The following DNAH5 variants were observed in gnomAD, a reference collection of about 807,000 sequenced individuals.
DNAH5 encodes the protein dynein axonemal heavy chain 5.
DNAH5 carries 372 observed loss-of-function variants against 518.2 expected under a neutral mutation model. That is an observed-to-expected ratio of 0.72 (90% confidence interval 0.66 to 0.78). The LOEUF (loss-of-function observed/expected upper bound fraction) is 0.78, where lower values mean the gene tolerates loss of function less well. DNAH5 is among the 30% of genes least tolerant of loss of function. The pLI is 0.00. For synonymous variants in DNAH5, 2,039 were observed against 2,025.9 expected, an observed-to-expected ratio of 1.01 and a Z score of -0.17; for missense variants, 5,523 against 5,687.0, an observed-to-expected ratio of 0.97 and a Z score of 0.93.
At chr5:13,989,744 A>G (rs959015662) in intron 1 of DNAH5, among the ~76,000 whole-genome samples, 4 of 152,090 alleles carry the variant, frequency 2.6e-5, no homozygotes, top group African/African-American at 9.7e-5. Context: ...CGGCCTCCCA[A>G]AGTGCTCGGA....
At position 13,923,440 on chromosome 5, in the gene DNAH5, C is replaced by G; in HGVS notation, c.278G>C (p.Gly93Ala). 6.2e-7 allele frequency: 1 copy of G among 1,613,974 alleles called. No homozygotes were observed. The highest frequency in any genetic ancestry group is 8.5e-7 in the Non-Finnish European group (1 of 1,179,952). Residue 93 changes from glycine (G) to alanine (A), a missense_variant and splice_region_variant, in exon 4 of 79, where the codon GGA (glycine) becomes GCA (alanine). Coordinates refer to ENST00000265104, the MANE Select transcript of DNAH5 (RefSeq NM_001369.3). ...TACCCCTCCTAGAGAGCCAAGTTGT[C>G]CTACAAAAGCAAAATAATTTTAGTT... is the stretch of plus-strand genomic sequence containing the variant. ...YYQDVEEAET[G>A]QLGSLGGVNL...
chr5:13,870,137 G>C (rs1322113386), intron 24 of DNAH5, among the ~76,000 whole-genome samples: 1 of 151,988 alleles, frequency 6.6e-6, no homozygotes, highest in East Asian at 1.9e-4. Flanking sequence ...TAATTTCTTC[G>C]ACCCTCAGTT....
intron 1 of DNAH5, among the ~76,000 whole-genome samples, chr5:13,999,644 A>C (rs1175032998): frequency 6.6e-6 from 1 of 152,230 alleles, no homozygotes; most frequent in Non-Finnish European, 1.5e-5. Flanking sequence ...TACTGCTGCA[A>C]TAAACACGAG....
intron 72 of DNAH5, 144 bp from the exon 73 acceptor site, chr5:13,717,664 A>G (rs1579888661): frequency 1.3e-6 from 1 of 792,300 alleles, no homozygotes; most frequent in East Asian, 2.7e-5. Flanking sequence ...TGTGACAATA[A>G]TAATTTAACT....
chr5:13,801,238 C>T (rs1368077321), intron 47 of DNAH5, among the ~76,000 whole-genome samples: 1 of 152,144 alleles, frequency 6.6e-6, no homozygotes, highest in Non-Finnish European at 1.5e-5. Context: ...AGTGAGTTCT[C>T]ACGAGATCTG....
intron 33 of DNAH5, 69 bp downstream of exon 33, chr5:13,841,623 C>A: frequency 8.0e-7 from 1 of 1,247,762 alleles, no homozygotes. Flanking sequence ...TTGAAGCTTA[C>A]AATAGGTAAT....
At chr5:13,760,248 G>C (rs533916076) in intron 60 of DNAH5, among the ~76,000 whole-genome samples, 1 of 152,248 alleles carries the variant, frequency 6.6e-6, no homozygotes, top group South Asian at 2.1e-4. Context: ...ATTAAATGAA[G>C]CTGTCAACAA....
At chr5:13,807,470 G>T in intron 47 of DNAH5, 121 bp downstream of exon 47, 3 of 896,102 alleles carry the variant, frequency 3.3e-6, no homozygotes, top group Non-Finnish European at 3.6e-6. Flanking sequence ...GACGTACGTG[G>T]GTGATTTATC....
Position 13,886,054 on chromosome 5 carries a change from T to C in DNAH5, c.2653A>G (p.Asn885Asp). The C allele has an allele frequency of 1.2e-6, 2 of 1,612,300 alleles. No individual in the cohort carries two copies. Among genetic ancestry groups the C allele is most frequent in the Non-Finnish European group, 1.7e-6 (2 of 1,179,838 alleles). ...LVEEAVNELVNMLLDVEVLSE... is the reference protein window; with the variant it reads ...LVEEAVNELVDMLLDVEVLSE... ...AAAACTTCCACATCCAGCAACATAT[T>C]TACAAGCTCATTGACTGCCTCCTCC... is the stretch of plus-strand genomic sequence containing the variant. Residue 885 changes from asparagine to aspartate, a missense_variant, in exon 18 of 79, where the codon AAT becomes GAT. Coordinates refer to ENST00000265104, the MANE Select transcript of DNAH5 (RefSeq NM_001369.3).
In DNAH5 at chr5:13,717,367, T is replaced by C. The variant is rs1207467985; in HGVS notation, c.12653A>G (p.Asn4218Ser). ...GTTTTGGATGAACTGCACAGTGGCA[T>C]TAAAGTCCGCTTGGTTAAATTCGTA... ...IPYEFNQADF[N>S]ATVQFIQNHL... Residue 4218 changes from asparagine (N) to serine (S), a missense_variant, in exon 73 of 79, where the codon AAT (asparagine) becomes AGT (serine). This residue lies in a region of DNAH5 where 5,121 missense variants were observed against 5,223.3 expected (regional missense o/e 0.98). Transcript: ENST00000265104. 2 of 1,613,926 alleles carry C rather than the reference T, an allele frequency of 1.2e-6. No individual in the cohort carries two copies. The highest frequency in any genetic ancestry group is 2.7e-5 in the African/African-American group (2 of 74,926).
intron 1 of DNAH5, among the ~76,000 whole-genome samples, chr5:13,954,982 A>G (rs1383953768): frequency 6.6e-6 from 1 of 152,106 alleles, no homozygotes; most frequent in Non-Finnish European, 1.5e-5. Flanking sequence ...ACAACTTAGG[A>G]CCACACAATC....
intron 68 of DNAH5, among the ~76,000 whole-genome samples, chr5:13,731,154 T>C (rs1746491233): frequency 2.0e-5 from 3 of 152,220 alleles, no homozygotes; most frequent in African/African-American, 7.2e-5. Flanking sequence ...ACTACTAAAT[T>C]GTTATTTTTT....
At position 13,989,385 on chromosome 5, in the gene DNAH5, G is replaced by GA. The variant is rs200806487; in HGVS notation, c.12+22262dup. On this transcript the variant is annotated intron_variant, in intron 1 of 78. Transcript: ENST00000681290. ...AGACATTTATGATATGTTGTAAAAT[G>GA]AAAAAAAAAATCCGGTCCCAAAAAA... Among the ~76,000 whole-genome samples the GA allele has an allele frequency of 9.3e-3, 1,265 of 136,474 alleles. 9 individuals carry two copies. The highest frequency in any genetic ancestry group is 0.032 in the South Asian group (141 of 4,362). The allele number at this position is 136,474 out of a possible 152,430, so 89.5% of individuals were successfully genotyped here.
rs748241979 is a variant in DNAH5 at position 13,859,405 on chromosome 5, A to G, written c.4950+47T>C. 2.5e-6 allele frequency: 4 copies of G among 1,609,358 alleles called. No individual in the cohort carries two copies. The East Asian group carries it at 6.7e-5, about 27-fold the overall frequency. On this transcript the variant is annotated intron_variant, in intron 30 of 78. Transcript: ENST00000265104. Reference sequence around the variant, plus strand: ...TATTTAAGGGGGTAATCGCTCTGAGAGCTTTCTCTGAAAAATCTGATGAAA... The same window carrying G: ...TATTTAAGGGGGTAATCGCTCTGAGGGCTTTCTCTGAAAAATCTGATGAAA...
rs79107877 is a variant in DNAH5 at position 13,721,371 on chromosome 5, A to T, written c.12034-126T>A. On this transcript the variant is annotated intron_variant, in intron 70 of 78. Coordinates refer to ENST00000265104, the MANE Select transcript of DNAH5 (RefSeq NM_001369.3). Reference sequence around the variant, plus strand: ...ATGTCCACAGTAACCCTGTCAGGCAAACAGGGTAGAGACTGTTTTTCATAT... The same window carrying T: ...ATGTCCACAGTAACCCTGTCAGGCATACAGGGTAGAGACTGTTTTTCATAT... The T allele has an allele frequency of 2.0e-3, 2,190 of 1,105,564 alleles. 33 individuals carry two copies. The African/African-American group carries it at 0.03, about 15-fold the overall frequency. The allele number at this position is 1,105,564 out of a possible 1,614,324, so 68.5% of individuals were successfully genotyped here. A position where few individuals can be genotyped will look rare whatever the true frequency, so the allele number is the denominator to read the frequency against.
Position 13,769,552 on chromosome 5 carries a change from T to G in DNAH5, c.9669A>C (p.Glu3223Asp). The G allele has an allele frequency of 1.2e-6, 2 of 1,614,116 alleles. No individual in the cohort carries two copies. Among genetic ancestry groups the G allele is most frequent in the African/African-American group, 1.3e-5 (1 of 75,052 alleles). Reference sequence around the variant, plus strand: ...GTAGCTCCTTTTCTTTCGCTTCCAGTTCTTTACTCAAGGCTGCAACAGACT... The same window carrying G: ...GTAGCTCCTTTTCTTTCGCTTCCAGGTCTTTACTCAAGGCTGCAACAGACT... ...ASESVAALSK[E>D]LEAKEKELQV... The change falls in exon 57 of 79, where the codon GAA becomes GAC. Residue 3223 changes from glutamate (E) to aspartate (D), a missense_variant. By Grantham distance (45) the Glu-to-Asp change is conservative. Coordinates refer to ENST00000265104, the MANE Select transcript of DNAH5 (RefSeq NM_001369.3).
intron 1 of DNAH5, among the ~76,000 whole-genome samples, chr5:13,990,820 T>C (rs1470325295): frequency 2.6e-5 from 4 of 151,934 alleles, no homozygotes; most frequent in Admixed American, 6.6e-5. Context: ...TGAGCCAAGA[T>C]TGCACCATTG....
At chr5:13,980,399 A>C (rs1305865184) in intron 1 of DNAH5, among the ~76,000 whole-genome samples, 1 of 152,060 alleles carries the variant, frequency 6.6e-6, no homozygotes, top group Middle Eastern at 3.2e-3. Context: ...CTCTGTGTGG[A>C]CATCTCAGAT....
intron 64 of DNAH5, among the ~76,000 whole-genome samples, chr5:13,751,663 G>C (rs1051591344): frequency 2.0e-5 from 3 of 152,146 alleles, no homozygotes; most frequent in Admixed American, 1.3e-4. Flanking sequence ...GATCAGAGCA[G>C]GTTCCCAAAC....
Sources: allele counts gnomAD v4.1 joint callset (sites outside exome capture counted in the v4.1 genomes callset), GRCh38; gene constraint gnomAD v4.1.1; regional missense constraint gnomAD v4.1.1; transcripts MANE v1.5; gene names NCBI Gene and HGNC (gene_info 2026-07-23, HGNC 2026-07-21).